Variants in BACH2 observed in about 807,000 individuals in gnomAD.
BACH2 encodes the protein transcription regulator protein BACH2.
Under a neutral mutation model 61.8 loss-of-function variants are expected in BACH2, and 5 were observed. The observed-to-expected ratio is 0.08, with a 90% confidence interval of 0.04 to 0.17. BACH2 has a LOEUF of 0.17. Ranked by LOEUF, BACH2 falls within the 10% of genes least tolerant of loss-of-function variation. The probability of loss-of-function intolerance (pLI) is 1.00; values close to 1 mark genes in which losing one functional copy is unlikely to be tolerated. For missense variants in BACH2, 824 were observed against 1,091.1 expected (o/e 0.76, Z 3.45); for synonymous variants, 446 against 440.1 (o/e 1.01, Z -0.17).
At chr6:90,100,239 A>T (rs538111174) in intron 4 of BACH2, among the ~76,000 whole-genome samples, 1 of 152,168 alleles carries the variant, frequency 6.6e-6, no homozygotes, top group East Asian at 1.9e-4. Flanking sequence ...TGCCAAGAAC[A>T]TTTTTGTATG....
Position 90,106,941 on chromosome 6 carries a change from CAA to C in BACH2, c.-161-17834_-161-17833del, listed in dbSNP as rs1782947932. Among the ~76,000 whole-genome samples the C allele has an allele frequency of 7.2e-5, 11 of 152,332 alleles. No homozygotes were observed. In the South Asian group the frequency reaches 2.1e-3, roughly 29 times the overall value. The stretch of plus-strand genomic sequence containing the variant: ...GGTGGCTCCGCCTCCTCTCTTTCCT[CAA>C]GTCTTCTCGCTGGATAGTTGTTTCT... On this transcript the variant is annotated intron_variant, in intron 4 of 8. Coordinates refer to ENST00000257749, the MANE Select transcript of BACH2 (RefSeq NM_021813.4).
At chr6:90,034,119 T>C (rs1779148909) in intron 5 of BACH2, among the ~76,000 whole-genome samples, 1 of 152,178 alleles carries the variant, frequency 6.6e-6, no homozygotes, top group Non-Finnish European at 1.5e-5. Context: ...TTTTTGAAAC[T>C]GTAGTTATAT....
At chr6:90,077,138 C>A (rs1439943545) in intron 5 of BACH2, among the ~76,000 whole-genome samples, 1 of 152,162 alleles carries the variant, frequency 6.6e-6, no homozygotes, top group Non-Finnish European at 1.5e-5. Flanking sequence ...CAGGAAGGAG[C>A]ACACAGTGTA....
chr6:89,957,329 A>G (rs1666046815), intron 6 of BACH2, among the ~76,000 whole-genome samples: 2 of 152,234 alleles, frequency 1.3e-5, no homozygotes, highest in South Asian at 4.1e-4. Context: ...AGACATTTAG[A>G]AAGTATTTGT....
At chr6:90,224,422 T>G (rs375599358) in intron 3 of BACH2, among the ~76,000 whole-genome samples, 2 of 152,158 alleles carry the variant, frequency 1.3e-5, no homozygotes, top group Admixed American at 1.3e-4. Context: ...ACAAGAGGAA[T>G]TTGCCTGTTC....
chr6:89,975,316 T>C (rs1775593181), intron 6 of BACH2, among the ~76,000 whole-genome samples: 2 of 152,252 alleles, frequency 1.3e-5, no homozygotes, highest in South Asian at 2.1e-4. Context: ...ACTCGACTGA[T>C]ACTGTTCTGT....
intron 4 of BACH2, among the ~76,000 whole-genome samples, chr6:90,163,172 A>C (rs1273354163): frequency 6.6e-6 from 1 of 152,174 alleles, no homozygotes; most frequent in East Asian, 1.9e-4. Flanking sequence ...TCGTGGCAGT[A>C]GAGAGTCACA....
chr6:89,972,529 C>T lies in BACH2; in HGVS notation c.244-20667G>A, dbSNP rs186902217. Reference sequence around the variant, plus strand: ...AGGTATCTTTGGAAGCTATTTGGGACGCTTTACAGTGTGTAATAGGAATTA... The same window carrying T: ...AGGTATCTTTGGAAGCTATTTGGGATGCTTTACAGTGTGTAATAGGAATTA... On this transcript the variant is annotated intron_variant, in intron 6 of 8. Coordinates refer to ENST00000257749, the MANE Select transcript of BACH2 (RefSeq NM_021813.4). Among the ~76,000 whole-genome samples the T allele has an allele frequency of 1.8e-3, 271 of 152,248 alleles. 3 individuals are homozygous for T. Among genetic ancestry groups the T allele is most frequent in the Middle Eastern group, 3.4e-3 (1 of 294 alleles).
intron 4 of BACH2, among the ~76,000 whole-genome samples, chr6:90,193,262 C>T (rs1768638096): frequency 6.6e-6 from 1 of 152,102 alleles, no homozygotes; most frequent in Non-Finnish European, 1.5e-5. Flanking sequence ...AAAATAGGAC[C>T]ATTACAGATG....
At chr6:90,020,531 C>T (rs1022949010) in intron 5 of BACH2, among the ~76,000 whole-genome samples, 3 of 150,978 alleles carry the variant, frequency 2.0e-5, no homozygotes, top group Non-Finnish European at 4.4e-5. Flanking sequence ...GCAAGAAGGC[C>T]CTCACCAGAT....
At chr6:90,146,439 C>G (rs4707601) in intron 4 of BACH2, among the ~76,000 whole-genome samples, 2 of 152,182 alleles carry the variant, frequency 1.3e-5, no homozygotes, top group Non-Finnish European at 2.9e-5. Flanking sequence ...TTATTCTATA[C>G]GATTCTGAGG....
At chr6:89,997,129 A>G (rs1776894204) in intron 6 of BACH2, among the ~76,000 whole-genome samples, 1 of 152,162 alleles carries the variant, frequency 6.6e-6, no homozygotes, top group South Asian at 2.1e-4. Context: ...TATAGCTGAA[A>G]TCCCTCCTGT....
chr6:89,958,759 T>C (rs1340600162), intron 6 of BACH2, among the ~76,000 whole-genome samples: 1 of 152,142 alleles, frequency 6.6e-6, no homozygotes, highest in African/African-American at 2.4e-5. Context: ...TGTTGAGGGC[T>C]GAGTTGAAGT....
At chr6:89,976,209 G>A (rs1477602135) in intron 6 of BACH2, among the ~76,000 whole-genome samples, 1 of 152,252 alleles carries the variant, frequency 6.6e-6, no homozygotes, top group African/African-American at 2.4e-5. Flanking sequence ...GGATGAGTCT[G>A]GAGAACTGGC....
At chr6:89,994,645 C>T (rs186756946) in intron 6 of BACH2, among the ~76,000 whole-genome samples, 329 of 152,228 alleles carry the variant, frequency 2.2e-3, no homozygotes, top group Non-Finnish European at 3.5e-3. Flanking sequence ...GAGAGAAATC[C>T]CATGGGGCAT....
At chr6:90,245,074 G>C (rs570491378) in intron 3 of BACH2, among the ~76,000 whole-genome samples, 1 of 152,152 alleles carries the variant, frequency 6.6e-6, no homozygotes, top group Non-Finnish European at 1.5e-5. Context: ...GCAGGTGCCT[G>C]TAATCCCAGC....
intron 6 of BACH2, among the ~76,000 whole-genome samples, chr6:89,978,633 T>TAAAAAAAAAAAAAAAAAA (rs753724278): frequency 2.3e-4 from 20 of 86,052 alleles, no homozygotes; most frequent in South Asian, 4.6e-4. Flanking sequence ...GTGTTGGCTT[T>TAAAAAAAAAAAAAAAAAA]AAAAAAAAAA....
chr6:90,014,978 A>G (rs564670512), intron 5 of BACH2, among the ~76,000 whole-genome samples: 1 of 143,202 alleles, frequency 7.0e-6, no homozygotes, highest in Admixed American at 7.2e-5. Context: ...ATGGAGTCTT[A>G]CTATGATACC....
At chr6:90,228,754 A>G (rs1035895729) in intron 3 of BACH2, among the ~76,000 whole-genome samples, 11 of 152,224 alleles carry the variant, frequency 7.2e-5, no homozygotes, top group Non-Finnish European at 2.9e-5. Flanking sequence ...AACAGTTTTA[A>G]AAGGTAAAAC....
Sources: gnomAD v4.1 joint callset for allele counts (sites outside exome capture counted in the v4.1 genomes callset) on GRCh38, gnomAD v4.1.1 for gene constraint, MANE v1.5 for transcripts, NCBI Gene and HGNC (gene_info 2026-07-23, HGNC 2026-07-21) for gene names.